The following NCOR1 variants were observed in gnomAD, a reference collection of about 807,000 sequenced individuals.
NCOR1 encodes the protein protein phosphatase 1, regulatory subunit 109.
NCOR1 carries 63 observed loss-of-function variants against 288.1 expected under a neutral mutation model. The ratio of observed to expected loss-of-function variants is 0.22; its 90% CI spans 0.18 to 0.27. The LOEUF is 0.27. NCOR1 is among the 10% of genes least tolerant of loss of function. NCOR1 has a pLI of 1.00. For missense variants in NCOR1, 2,397 were observed against 3,019.2 expected, an observed-to-expected ratio of 0.79 and a Z score of 4.83; for synonymous variants, 1,007 against 1,065.9, an observed-to-expected ratio of 0.94 and a Z score of 1.08.
chr17:16,050,118 G>A (rs1324635092), intron 40 of NCOR1, among the ~76,000 whole-genome samples: 1 of 151,864 alleles, frequency 6.6e-6, no homozygotes, highest in East Asian at 1.9e-4. Context: ...GTAGAGACAG[G>A]GGTCTCACTA....
At chr17:16,036,688 T>C (rs952607123) in intron 44 of NCOR1, among the ~76,000 whole-genome samples, 1 of 152,222 alleles carries the variant, frequency 6.6e-6, no homozygotes, top group Non-Finnish European at 1.5e-5. Flanking sequence ...AGCTTCAGCC[T>C]TCTCATCTGT....
At chr17:16,106,437 C>A (rs1455506205) in intron 19 of NCOR1, among the ~76,000 whole-genome samples, 13 of 148,814 alleles carry the variant, frequency 8.7e-5, no homozygotes, top group Non-Finnish European at 8.9e-5. Flanking sequence ...CCTAAAAATA[C>A]AAAAAAAAAC....
chr17:16,049,609 T>C (rs1407505416), intron 40 of NCOR1, among the ~76,000 whole-genome samples: 5 of 150,542 alleles, frequency 3.3e-5, no homozygotes, highest in African/African-American at 1.2e-4. Flanking sequence ...TGAGACAGAG[T>C]CTGGCTTTGT....
At chr17:16,056,308 CTTTTTTTTTTTTT>C (rs71299858) in intron 40 of NCOR1, among the ~76,000 whole-genome samples, 1 of 96,006 alleles carries the variant, frequency 1.0e-5, no homozygotes, top group Non-Finnish European at 2.0e-5. Flanking sequence ...TTCTTTTTAT[CTTTTTTTTTTTTT>C]TTTTTTTTTG....
intron 14 of NCOR1, among the ~76,000 whole-genome samples, chr17:16,131,684 C>T (rs911355924): frequency 1.3e-5 from 2 of 152,094 alleles, no homozygotes; most frequent in African/African-American, 4.8e-5. Context: ...ATATCTTAAG[C>T]CTATCTTATC....
At chr17:16,061,262 C>T (rs931119044) in intron 37 of NCOR1, 139 bp downstream of exon 37, 3 of 1,057,986 alleles carry the variant, frequency 2.8e-6, no homozygotes, top group Non-Finnish European at 2.7e-6. Flanking sequence ...ATCATAAAAA[C>T]AGCAGAAGAT....
chr17:16,170,698 G>A (rs1388892105), intron 4 of NCOR1, among the ~76,000 whole-genome samples: 1 of 151,966 alleles, frequency 6.6e-6, no homozygotes, highest in Non-Finnish European at 1.5e-5. Context: ...AGCTGGGCAT[G>A]GTGGTGCGTC....
chr17:16,138,217 G>T lies in NCOR1; in HGVS notation c.1353-5C>A, dbSNP rs2076693115. 6.2e-7 allele frequency: 1 copy of T among 1,607,172 alleles called. No homozygotes were observed. Among genetic ancestry groups the T allele is most frequent in the African/African-American group, 1.3e-5 (1 of 74,536 alleles). On this transcript the variant is annotated splice_polypyrimidine_tract_variant and splice_region_variant and intron_variant, in intron 12 of 45. Transcript: ENST00000268712. ...TTTTTTGGATGCTGGATAAACCTGA[G>T]TGAAAACGAAAACAAAAACACACTT...
intron 17 of NCOR1, among the ~76,000 whole-genome samples, chr17:16,118,746 C>A (rs1185178177): frequency 6.6e-6 from 1 of 152,160 alleles, no homozygotes; most frequent in Non-Finnish European, 1.5e-5. Flanking sequence ...TATTTAACCA[C>A]CAAAAATTAG....
chr17:16,144,721 CT>C (rs1317324829), intron 10 of NCOR1, among the ~76,000 whole-genome samples: 2 of 151,544 alleles, frequency 1.3e-5, no homozygotes, highest in East Asian at 3.9e-4. Context: ...CTCCCTCTCC[CT>C]CTCTCTCCTC....
chr17:16,068,002 T>C lies in NCOR1; in HGVS notation c.4633A>G (p.Ser1545Gly). ...VPGVDPVVSH[S>G]PFDPHHRGST... Reference sequence around the variant, plus strand: ...CCTCTGTGATGGGGATCAAACGGACTGTGGCTCACGACAGGGTCCACCCCA... The same window carrying C: ...CCTCTGTGATGGGGATCAAACGGACCGTGGCTCACGACAGGGTCCACCCCA... Residue 1545 changes from serine to glycine, a missense_variant, in exon 32 of 46, where the codon AGT becomes GGT. By Grantham distance (56) the Ser-to-Gly change is moderately conservative. Transcript: ENST00000268712. The C allele has an allele frequency of 6.2e-7, 1 of 1,614,258 alleles. No homozygotes were observed. Among genetic ancestry groups the C allele is most frequent in the Non-Finnish European group, 8.5e-7 (1 of 1,180,046 alleles).
intron 2 of NCOR1, among the ~76,000 whole-genome samples, chr17:16,190,689 A>C (rs2088043770): frequency 6.6e-6 from 1 of 152,172 alleles, no homozygotes; most frequent in Non-Finnish European, 1.5e-5. Flanking sequence ...AAGAAAAATT[A>C]AGAGTAAGGA....
intron 22 of NCOR1, chr17:16,087,060 A>T: frequency 5.1e-6 from 4 of 778,416 alleles, no homozygotes; most frequent in Non-Finnish European, 7.2e-6. Flanking sequence ...AGTCATTCTG[A>T]AACAGCAAGG....
intron 15 of NCOR1, among the ~76,000 whole-genome samples, chr17:16,124,293 T>C (rs1193566149): frequency 6.6e-6 from 1 of 152,084 alleles, no homozygotes; most frequent in East Asian, 1.9e-4. Context: ...CTCAAAGGCA[T>C]TCATGCTAAG....
At chr17:16,050,949 C>G (rs1175559261) in intron 40 of NCOR1, among the ~76,000 whole-genome samples, 2 of 152,158 alleles carry the variant, frequency 1.3e-5, no homozygotes, top group East Asian at 3.9e-4. Flanking sequence ...CCTCCCACCT[C>G]AGGCTCCCAA....
At chr17:16,068,335 G>T in intron 31 of NCOR1, 1 of 532,070 alleles carries the variant, frequency 1.9e-6, no homozygotes, top group South Asian at 2.1e-5. Flanking sequence ...GGAGAGTACT[G>T]TCACCTTTTG....
In NCOR1 at chr17:16,158,870, GT is replaced by G; in HGVS notation, c.621del (p.Gln207HisfsTer78). 6.2e-7 allele frequency: 1 copy of G among 1,611,410 alleles called. No homozygotes were observed. Among genetic ancestry groups the G allele is most frequent in the Non-Finnish European group, 8.5e-7 (1 of 1,177,752 alleles). On this transcript the variant is annotated frameshift_variant and splice_region_variant, in exon 6 of 46. Coordinates refer to ENST00000268712, the MANE Select transcript of NCOR1 (RefSeq NM_006311.4). LOFTEE classifies it high-confidence loss of function. ...GGTTTAGCTGCCTCTTCTTCAAGCT[GT>G]TGCTAAGAGATCCAGAAAGAAAGAG... ...QQILKLKKKQQQLEEEAAKPP... is the reference protein window; with the variant it reads ...QQILKLKKKQXQLEEEAAKPP...
intron 19 of NCOR1, among the ~76,000 whole-genome samples, chr17:16,103,869 G>C (rs1468332963): frequency 6.6e-6 from 1 of 152,292 alleles, no homozygotes; most frequent in Non-Finnish European, 1.5e-5. Flanking sequence ...TACAAAATTA[G>C]CCACATGTGG....
At chr17:16,150,995 CAAT>C (rs2078752348) in intron 8 of NCOR1, among the ~76,000 whole-genome samples, 2 of 151,056 alleles carry the variant, frequency 1.3e-5, no homozygotes, top group Admixed American at 1.3e-4. Context: ...GCAAAGTAGT[CAAT>C]AATTGCACAT....
Sources: allele counts gnomAD v4.1 joint callset (sites outside exome capture counted in the v4.1 genomes callset), GRCh38; gene constraint gnomAD v4.1.1; transcripts MANE v1.5; gene names NCBI Gene and HGNC (gene_info 2026-07-23, HGNC 2026-07-21).